SCMH1: variants seen among roughly 807,000 people sequenced by gnomAD.
SCMH1 encodes Scm polycomb group protein homolog 1.
In SCMH1, 37 loss-of-function variants were observed where a neutral mutation model predicts 70.8. The ratio of observed to expected loss-of-function variants is 0.52; its 90% confidence interval spans 0.40 to 0.69. SCMH1 has a LOEUF of 0.69. SCMH1 is among the 30% of genes least tolerant of loss of function. The pLI, the probability that SCMH1 is intolerant of heterozygous loss-of-function variation, is 0.00. For synonymous variants in SCMH1, 292 were observed against 307.4 expected, an observed-to-expected ratio of 0.95 and a Z score of 0.52; for missense variants, 607 against 827.3, an observed-to-expected ratio of 0.73 and a Z score of 3.27.
chr1:41,103,901 T>G (rs1026589134), intron 8 of SCMH1, among the ~76,000 whole-genome samples: 2 of 152,164 alleles, frequency 1.3e-5, no homozygotes, highest in Admixed American at 1.3e-4. Context: ...CTTCATAATC[T>G]ACTCCACCCA....
intron 6 of SCMH1, among the ~76,000 whole-genome samples, chr1:41,135,450 TATAAGGGG>T (rs1643132789): frequency 6.6e-6 from 1 of 152,198 alleles, no homozygotes; most frequent in Non-Finnish European, 1.5e-5. Flanking sequence ...CTGATGGTTT[TATAAGGGG>T]CTTCCCCCTT....
intron 8 of SCMH1, among the ~76,000 whole-genome samples, chr1:41,101,155 C>A (rs1430995056): frequency 6.6e-6 from 1 of 151,876 alleles, no homozygotes; most frequent in Non-Finnish European, 1.5e-5. Context: ...AAAGAAAAAC[C>A]AAATTAGAGC....
intron 6 of SCMH1, among the ~76,000 whole-genome samples, chr1:41,138,090 G>C (rs1643643721): frequency 6.6e-6 from 1 of 152,034 alleles, no homozygotes. Flanking sequence ...GAATGGGCTT[G>C]GGGTTATAAT....
chr1:41,077,758 C>T (rs1283311238), intron 8 of SCMH1, among the ~76,000 whole-genome samples: 2 of 152,100 alleles, frequency 1.3e-5, no homozygotes, highest in Non-Finnish European at 2.9e-5. Flanking sequence ...GGTGATCAGG[C>T]CCTATCCTAT....
intron 2 of SCMH1, among the ~76,000 whole-genome samples, chr1:41,168,387 G>A (rs1398358847): frequency 5.3e-5 from 8 of 151,234 alleles, no homozygotes; most frequent in Admixed American, 1.3e-4. Context: ...TGATTTCATC[G>A]ATCCTTTCTT....
chr1:41,036,281 T>C (rs1645282168), intron 13 of SCMH1, among the ~76,000 whole-genome samples: 1 of 152,204 alleles, frequency 6.6e-6, no homozygotes, highest in Non-Finnish European at 1.5e-5. Context: ...TTAGATGTCA[T>C]CTATATGACC....
intron 12 of SCMH1, among the ~76,000 whole-genome samples, chr1:41,042,872 C>A (rs967120213): frequency 2.6e-5 from 4 of 151,798 alleles, no homozygotes; most frequent in African/African-American, 4.8e-5. Flanking sequence ...AAACAACTGG[C>A]CTGGATTATT....
At chr1:41,194,668 T>C (rs1464362081) in intron 1 of SCMH1, among the ~76,000 whole-genome samples, 1 of 152,210 alleles carries the variant, frequency 6.6e-6, no homozygotes, top group Non-Finnish European at 1.5e-5. Flanking sequence ...AGAATGTTAA[T>C]TTATTAATTT....
At position 41,195,829 on chromosome 1, in the gene SCMH1, A is replaced by C. The variant is rs1462882904; in HGVS notation, c.-117-9579T>G. ...ATGTAGGAAATTCTACAGATCCCAC[A>C]AAAAAGCTATTAGAGCTAATAAATG... On this transcript the variant is annotated intron_variant, in intron 1 of 14. Transcript: ENST00000337495. Among the ~76,000 whole-genome samples, 4 of 152,300 alleles carry C rather than the reference A, an allele frequency of 2.6e-5. No individual in the cohort carries two copies. In the East Asian group the frequency reaches 7.7e-4, roughly 29 times the overall value.
chr1:41,150,084 C>A (rs1268501435), intron 5 of SCMH1, among the ~76,000 whole-genome samples: 1 of 152,130 alleles, frequency 6.6e-6, no homozygotes, highest in Non-Finnish European at 1.5e-5. Context: ...CATGAGTTCC[C>A]TTTCCCTGGG....
At chr1:41,159,905 C>T in intron 4 of SCMH1, 1 of 1,016,514 alleles carries the variant, frequency 9.8e-7, no homozygotes, top group Non-Finnish European at 1.3e-6. Flanking sequence ...TTTTCACATC[C>T]ATTAGCTCAT....
chr1:41,058,411 C>G (rs554197964), intron 10 of SCMH1, among the ~76,000 whole-genome samples: 2 of 84,698 alleles, frequency 2.4e-5, no homozygotes, highest in African/African-American at 4.6e-5. Context: ...GAGACAGTCT[C>G]GCTCTATCAC....
At chr1:41,057,051 C>G (rs1650577369) in intron 10 of SCMH1, among the ~76,000 whole-genome samples, 1 of 152,118 alleles carries the variant, frequency 6.6e-6, no homozygotes, top group Admixed American at 6.5e-5. Context: ...CCAATGCTAG[C>G]CTTCCATTCG....
At chr1:41,089,992 A>C (rs900023960) in intron 8 of SCMH1, among the ~76,000 whole-genome samples, 3 of 151,378 alleles carry the variant, frequency 2.0e-5, no homozygotes, top group African/African-American at 7.3e-5. Context: ...AGGTTTTGCC[A>C]TGTTGGCCAG....
Position 41,171,225 on chromosome 1 carries a change from A to G in SCMH1, c.14-9793T>C, listed in dbSNP as rs1302205155. On this transcript the variant is annotated intron_variant, in intron 2 of 14. Transcript: ENST00000337495. ...AGCTACCCAGTGGCTGGTTGATTAC[A>G]ATGGACTGCTTCCTTCATGGAAGGG... 1.3e-5 allele frequency among the ~76,000 whole-genome samples: 2 copies of G among 152,164 alleles called. 1 individual carries two copies. The highest frequency in any genetic ancestry group is 2.9e-5 in the Non-Finnish European group (2 of 68,026).
At chr1:41,033,418 A>T (rs549518273) in intron 13 of SCMH1, among the ~76,000 whole-genome samples, 1 of 152,220 alleles carries the variant, frequency 6.6e-6, no homozygotes, top group South Asian at 2.1e-4. Flanking sequence ...ACCATTGTCA[A>T]CTCATTTGAC....
chr1:41,097,963 T>C (rs1665548352), intron 8 of SCMH1, among the ~76,000 whole-genome samples: 1 of 152,226 alleles, frequency 6.6e-6, no homozygotes, highest in Admixed American at 6.5e-5. Flanking sequence ...TTGGAACGAT[T>C]CTTTTTCTTA....
At chr1:41,069,906 C>T (rs929717535) in intron 10 of SCMH1, among the ~76,000 whole-genome samples, 2 of 152,116 alleles carry the variant, frequency 1.3e-5, no homozygotes, top group East Asian at 1.9e-4. Context: ...GAAAGACAAC[C>T]CTAACTTCCA....
At chr1:41,167,655 A>G (rs1294458129) in intron 2 of SCMH1, among the ~76,000 whole-genome samples, 2 of 152,152 alleles carry the variant, frequency 1.3e-5, no homozygotes, top group East Asian at 1.9e-4. Flanking sequence ...TTGTTGGCTT[A>G]TAACTGTTCA....
Sources: gnomAD v4.1 joint callset for allele counts (sites outside exome capture counted in the v4.1 genomes callset) on GRCh38, gnomAD v4.1.1 for gene constraint, MANE v1.5 for transcripts, NCBI Gene and HGNC (gene_info 2026-07-23, HGNC 2026-07-21) for gene names.